The following CUX1 variants were observed in gnomAD, a reference collection of about 807,000 sequenced individuals.
CUX1 encodes the protein cut like homeobox 1.
Under a neutral mutation model 158.8 loss-of-function variants are expected in CUX1, and 31 were observed. The observed-to-expected ratio is 0.20, with a 90% CI of 0.15 to 0.26. CUX1 has a LOEUF of 0.26. CUX1 is among the 10% of genes least tolerant of loss of function. The pLI is 1.00. For synonymous variants in CUX1, 879 were observed against 862.1 expected (o/e 1.02, Z -0.34); for missense variants, 1,589 against 2,014.6 (o/e 0.79, Z 4.04).
intron 8 of CUX1, among the ~76,000 whole-genome samples, chr7:102,135,175 A>C (rs1833761322): frequency 1.3e-5 from 2 of 152,296 alleles, no homozygotes; most frequent in South Asian, 4.1e-4. Flanking sequence ...CAAAAGCTTT[A>C]CTGACAGCCT....
intron 1 of CUX1, among the ~76,000 whole-genome samples, chr7:101,878,830 G>A (rs979999937): frequency 6.6e-6 from 1 of 151,898 alleles, no homozygotes; most frequent in Non-Finnish European, 1.5e-5. Flanking sequence ...GCACCACCAT[G>A]CCGGGCCAAT....
At chr7:102,008,454 G>A (rs1315538546) in intron 2 of CUX1, among the ~76,000 whole-genome samples, 1 of 151,992 alleles carries the variant, frequency 6.6e-6, no homozygotes, top group Non-Finnish European at 1.5e-5. Flanking sequence ...CCCCGTTGTA[G>A]GCTAGCTGCG....
rs782446359 is a variant in CUX1, at chr7:102,201,673, C to G, written c.2376C>G (p.Pro792=). The G allele has an allele frequency of 6.8e-6, 11 of 1,612,786 alleles. No homozygotes were observed. The East Asian group carries it at 2.5e-4, about 36-fold the overall frequency. The change falls in exon 18 of 24, where the codon CCC becomes CCG. Residue 792 remains proline (P), a synonymous_variant. Transcript: ENST00000292535. This position sits in a 1 kb window ranked among gnomAD's most constrained non-coding sequence, Gnocchi z 5.0. Reference sequence around the variant, plus strand: ...TCAAAAAGGAGGCCCAGGACGCCCCCGGGCTGGACCCCCAGGGAGCAGCCG... The same window carrying G: ...TCAAAAAGGAGGCCCAGGACGCCCCGGGGCTGGACCCCCAGGGAGCAGCCG... ...PALKKEAQDA[P]GLDPQGAADC... is the part of the protein sequence containing the mutation.
At chr7:102,029,521 C>T (rs1300047960) in intron 3 of CUX1, among the ~76,000 whole-genome samples, 1 of 152,052 alleles carries the variant, frequency 6.6e-6, no homozygotes, top group Non-Finnish European at 1.5e-5. Flanking sequence ...GGAGCGAGAG[C>T]AGGGAGTGAG....
intron 1 of CUX1, among the ~76,000 whole-genome samples, chr7:101,827,920 G>A (rs987275241): frequency 4.6e-5 from 7 of 151,718 alleles, no homozygotes; most frequent in African/African-American, 1.7e-4. Flanking sequence ...AGATGGAAGG[G>A]CTGGAGCAGG....
At chr7:101,876,222 G>A (rs979021012) in intron 1 of CUX1, among the ~76,000 whole-genome samples, 1 of 151,882 alleles carries the variant, frequency 6.6e-6, no homozygotes, top group Non-Finnish European at 1.5e-5. Context: ...GCACACGCTT[G>A]TAGTCCCAGC....
At chr7:102,136,335 C>T (rs1270001716) in intron 8 of CUX1, among the ~76,000 whole-genome samples, 3 of 151,814 alleles carry the variant, frequency 2.0e-5, no homozygotes, top group Non-Finnish European at 4.4e-5. Context: ...AAAAAAACAA[C>T]AACCTTTAGT....
intron 12 of CUX1, among the ~76,000 whole-genome samples, chr7:102,192,978 C>T (rs1205516828): frequency 5.3e-5 from 8 of 152,178 alleles, no homozygotes; most frequent in Non-Finnish European, 1.0e-4. Context: ...AGGGTGCGGC[C>T]CTTTTCAGTG....
chr7:101,932,826 A>G (rs956351664), intron 2 of CUX1, among the ~76,000 whole-genome samples: 12 of 152,240 alleles, frequency 7.9e-5, no homozygotes, highest in Non-Finnish European at 1.8e-4. Flanking sequence ...AAATTAAAGT[A>G]AAAAACAGGA....
chr7:102,249,492 A>G lies in CUX1; in HGVS notation c.*450A>G. The G allele has an allele frequency of 1.0e-6, 1 of 985,826 alleles. No homozygotes were observed. Among genetic ancestry groups the G allele is most frequent in the Middle Eastern group, 5.2e-4 (1 of 1,914 alleles). 61.1% of individuals were successfully genotyped at this position (985,826 alleles called of 1,614,324 possible). A position where few individuals can be genotyped will look rare whatever the true frequency, so the allele number is the denominator to read the frequency against. ...TTTTGTACCCTGAAGTGTTTTTTTT[A>G]TTGCCCTAAGTGATTTCCACAGGTT... On this transcript the variant is annotated 3_prime_UTR_variant, in exon 24 of 24. Transcript: ENST00000292535.
At chr7:101,953,348 C>A (rs1188322584) in intron 2 of CUX1, among the ~76,000 whole-genome samples, 1 of 152,174 alleles carries the variant, frequency 6.6e-6, no homozygotes, top group Non-Finnish European at 1.5e-5. Context: ...ACATTCCCGG[C>A]CCTCATAATT....
chr7:101,905,839 A>C (rs1476915418), intron 1 of CUX1, among the ~76,000 whole-genome samples: 10 of 152,076 alleles, frequency 6.6e-5, no homozygotes, highest in Admixed American at 6.6e-4. Flanking sequence ...CCACGTGCCC[A>C]GTATTTTCTT....
At chr7:102,227,332 T>C in intron 20 of CUX1, 35 bp from the exon 21 acceptor site, 1 of 1,568,318 alleles carries the variant, frequency 6.4e-7, no homozygotes. Flanking sequence ...AGACAGCTAT[T>C]TTCAGGCACG....
intron 8 of CUX1, among the ~76,000 whole-genome samples, chr7:102,151,709 CAG>C (rs1254332524): frequency 9.0e-6 from 1 of 111,088 alleles, no homozygotes; most frequent in Non-Finnish European, 1.7e-5. Context: ...GCCTGGGCGA[CAG>C]AGTGAGACTC....
chr7:102,114,429 A>C (rs1446867182), intron 7 of CUX1, among the ~76,000 whole-genome samples: 1 of 152,070 alleles, frequency 6.6e-6, no homozygotes, highest in East Asian at 1.9e-4. Context: ...GCTATGCGCC[A>C]CCATGCTTGG....
At position 102,054,501 on chromosome 7, in the gene CUX1, G is replaced by A. The variant is rs1414750637; in HGVS notation, c.190-15838G>A. ...GTTCCTTTCTGGGCTGTATTGATCTGTGTGTTTATCCTTATGCCCCTACCA... is the reference window on the plus strand; with the variant it reads ...GTTCCTTTCTGGGCTGTATTGATCTATGTGTTTATCCTTATGCCCCTACCA... On this transcript the variant is annotated intron_variant, in intron 3 of 23. Transcript: ENST00000292535. Among the ~76,000 whole-genome samples, 4 of 152,118 alleles carry A rather than the reference G, an allele frequency of 2.6e-5. No individual in the cohort carries two copies. The East Asian group carries it at 7.7e-4, about 29-fold the overall frequency.
intron 1 of CUX1, among the ~76,000 whole-genome samples, chr7:101,903,302 A>G (rs1350887246): frequency 2.0e-5 from 3 of 152,090 alleles, no homozygotes; most frequent in African/African-American, 4.8e-5. Flanking sequence ...GCCGGGAGAA[A>G]GCTATGGGGA....
At chr7:101,954,033 T>A (rs1280041470) in intron 2 of CUX1, among the ~76,000 whole-genome samples, 1 of 152,106 alleles carries the variant, frequency 6.6e-6, no homozygotes, top group Non-Finnish European at 1.5e-5. Context: ...CAAAAAAAAT[T>A]TTTTTAAGTC....
intron 14 of CUX1, among the ~76,000 whole-genome samples, chr7:102,268,754 G>A (rs1345948906): frequency 2.0e-5 from 3 of 152,044 alleles, no homozygotes; most frequent in African/African-American, 4.8e-5. Context: ...GGTGGAAGGC[G>A]AAGTGGGAGC....
Sources: gnomAD v4.1 joint callset for allele counts (sites outside exome capture counted in the v4.1 genomes callset) on GRCh38, gnomAD v4.1.1 for gene constraint, Gnocchi (gnomAD v3.1) non-coding constraint, MANE v1.5 for transcripts, NCBI Gene and HGNC (gene_info 2026-07-23, HGNC 2026-07-21) for gene names.